The following CFTR variants were observed in gnomAD, a reference collection of about 807,000 sequenced individuals.
CFTR encodes the protein cystic fibrosis transmembrane conductance regulator.
In CFTR, 181 loss-of-function variants were observed where a neutral mutation model predicts 171.6. The observed-to-expected ratio is 1.05, with a 90% confidence interval of 0.93 to 1.19. The LOEUF is 1.19. Among genes scored for constraint, CFTR ranks in the 50% most tolerant of loss-of-function variants. The pLI, the probability that CFTR is intolerant of heterozygous loss-of-function variation, is 0.00. For synonymous variants in CFTR, 583 were observed against 608.0 expected, an observed-to-expected ratio of 0.96 and a Z score of 0.60; for missense variants, 1,968 against 1,734.7, an observed-to-expected ratio of 1.13 and a Z score of -2.39.
At chr7:117,491,029 G>A (rs1480456755) in intron 1 of CFTR, among the ~76,000 whole-genome samples, 1 of 152,058 alleles carries the variant, frequency 6.6e-6, no homozygotes, top group Non-Finnish European at 1.5e-5. Flanking sequence ...ATCGTTGTGA[G>A]AATACTATAG....
chr7:117,651,982 AT>A (rs772943211), intron 23 of CFTR, among the ~76,000 whole-genome samples: 27 of 152,324 alleles, frequency 1.8e-4, no homozygotes, highest in South Asian at 6.2e-4. Flanking sequence ...GGTAAAAAAA[AT>A]ATTCTAAATG....
intron 1 of CFTR, among the ~76,000 whole-genome samples, chr7:117,487,156 T>C (rs779445738): frequency 2.0e-4 from 31 of 152,070 alleles, no homozygotes; most frequent in Non-Finnish European, 4.3e-4. Flanking sequence ...TGTATATGGC[T>C]CAGGGTTAGG....
chr7:117,627,446 T>A, intron 21 of CFTR, 76 bp from the exon 22 acceptor site: 1 of 1,509,050 alleles, frequency 6.6e-7, no homozygotes, highest in Admixed American at 1.7e-5. Flanking sequence ...TACAAGTTAT[T>A]TTTTAGGAAG....
At chr7:117,659,315 T>C (rs572861703) in intron 24 of CFTR, among the ~76,000 whole-genome samples, 7 of 152,334 alleles carry the variant, frequency 4.6e-5, no homozygotes, top group African/African-American at 1.4e-4. Flanking sequence ...ATTTACCTTT[T>C]AACTTGTCCA....
chr7:117,582,551 A>G (rs929471352), intron 11 of CFTR, among the ~76,000 whole-genome samples: 1 of 152,086 alleles, frequency 6.6e-6, no homozygotes, highest in African/African-American at 2.4e-5. Context: ...AATCTGGGAC[A>G]AGGGGGAGGA....
intron 9 of CFTR, among the ~76,000 whole-genome samples, chr7:117,544,854 T>G (rs10487370): frequency 0.015 from 2,233 of 152,340 alleles, 56 homozygotes; most frequent in African/African-American, 0.051. Context: ...CTATTAAAAC[T>G]GTTATACTCT....
rs397508163 is a variant in CFTR, at chr7:117,542,025, C to CA, written c.1130dup (p.Gln378AlafsTer4). The CA allele has an allele frequency of 6.5e-7, 1 of 1,530,176 alleles. No individual in the cohort carries two copies. The highest frequency in any genetic ancestry group is 9.1e-7 in the Non-Finnish European group (1 of 1,104,126). 94.8% of individuals were successfully genotyped at this position (1,530,176 alleles called of 1,614,324 possible). A position where few individuals can be genotyped will look rare whatever the true frequency, so the allele number is the denominator to read the frequency against. ...TCTCTTTTATAAATAGGATTTCTTA[C>CA]AAAAGCAAGAATATAAGACATTGGA... On this transcript the variant is annotated frameshift_variant, in exon 9 of 27. Coordinates refer to ENST00000003084, the MANE Select transcript of CFTR (RefSeq NM_000492.4). LOFTEE classifies it high-confidence loss of function.
At chr7:117,590,247 GT>G in intron 12 of CFTR, 105 bp from the exon 13 acceptor site, 1 of 1,323,370 alleles carries the variant, frequency 7.6e-7, no homozygotes, top group Non-Finnish European at 1.1e-6. Flanking sequence ...AATCGATGTG[GT>G]GACCATATTG....
rs752436883 is a variant in CFTR at position 117,551,610 on chromosome 7, A to G, written c.1392+2787A>G. 3.9e-5 allele frequency among the ~76,000 whole-genome samples: 6 copies of G among 152,314 alleles called. No homozygotes were observed. The highest frequency in any genetic ancestry group is 8.8e-5 in the Non-Finnish European group (6 of 68,024). On this transcript the variant is annotated intron_variant, in intron 10 of 26. Transcript: ENST00000003084. ...AACAAGTGCCTAGCACTTGACAGGT[A>G]TATTATAGAAATTTAACTGAATATC...
chr7:117,573,054 C>T (rs1791718997), intron 11 of CFTR, among the ~76,000 whole-genome samples: 1 of 107,032 alleles, frequency 9.3e-6, no homozygotes, highest in Non-Finnish European at 2.4e-5. Flanking sequence ...CTCTCTCTCT[C>T]TCTTGCTCTC....
chr7:117,536,687 A>G lies in CFTR; in HGVS notation c.869+14A>G, dbSNP rs1554380834. On this transcript the variant is annotated intron_variant, in intron 7 of 26. Coordinates refer to ENST00000003084, the MANE Select transcript of CFTR (RefSeq NM_000492.4). ...AAACTTAAGACAGTAAGTTGTTCCAATAATTTCAATATTGTTAGTAATTCT... is the reference window on the plus strand; with the variant it reads ...AAACTTAAGACAGTAAGTTGTTCCAGTAATTTCAATATTGTTAGTAATTCT... The G allele has an allele frequency of 1.2e-6, 2 of 1,603,738 alleles. No individual in the cohort carries two copies. Among genetic ancestry groups the G allele is most frequent in the African/African-American group, 1.3e-5 (1 of 74,790 alleles).
At position 117,595,053 on chromosome 7, in the gene CFTR, G is replaced by A. The variant is rs2116039854; in HGVS notation, c.2614G>A (p.Ala872Thr). 6.2e-7 allele frequency: 1 copy of A among 1,611,726 alleles called. No homozygotes were observed. Among genetic ancestry groups the A allele is most frequent in the South Asian group, 1.1e-5 (1 of 90,996 alleles). ...VLIWCLVIFL[A>T]EVAASLVVLW... is the part of the protein sequence containing the mutation. ...AATTTGGTGCTTAGTAATTTTTCTG[G>A]CAGAGGTAAGAATGTTCTATTGTAA... Residue 872 changes from alanine (A) to threonine (T), a missense_variant, in exon 15 of 27, where the codon GCA becomes ACA. Transcript: ENST00000003084.
At chr7:117,652,809 C>G in intron 23 of CFTR, 33 bp from the exon 24 acceptor site, 3 of 1,029,542 alleles carry the variant, frequency 2.9e-6, no homozygotes, top group Non-Finnish European at 4.6e-6. Flanking sequence ...TTAAGTTATT[C>G]ATACTTTCTT....
At chr7:117,650,167 A>C (rs969449679) in intron 23 of CFTR, among the ~76,000 whole-genome samples, 1 of 152,146 alleles carries the variant, frequency 6.6e-6, no homozygotes, top group Non-Finnish European at 1.5e-5. Context: ...GAAATGTTCT[A>C]ATTTCTGTTG....
intron 1 of CFTR, among the ~76,000 whole-genome samples, chr7:117,490,180 C>CCT (rs1157481734): frequency 6.6e-6 from 1 of 151,868 alleles, no homozygotes; most frequent in Admixed American, 6.6e-5. Context: ...TCTCTCTGAA[C>CCT]CTCAGCTACT....
chr7:117,631,635 C>T (rs1262680855), intron 22 of CFTR, among the ~76,000 whole-genome samples: 2 of 152,200 alleles, frequency 1.3e-5, no homozygotes, highest in African/African-American at 4.8e-5. Context: ...CATTGAGGTG[C>T]TCAGAAGGTG....
intron 16 of CFTR, among the ~76,000 whole-genome samples, chr7:117,603,148 C>A (rs7812185): frequency 0.033 from 5,090 of 152,050 alleles, 226 homozygotes; most frequent in African/African-American, 0.099. Context: ...GCACTCCAGC[C>A]TGGACAATAT....
chr7:117,505,090 A>G (rs992442749), intron 2 of CFTR, among the ~76,000 whole-genome samples: 9 of 152,184 alleles, frequency 5.9e-5, no homozygotes, highest in Non-Finnish European at 1.3e-4. Context: ...TACCTGTTAC[A>G]TGCCAGGTAG....
chr7:117,606,815 A>C, intron 18 of CFTR, 62 bp downstream of exon 18: 1 of 960,302 alleles, frequency 1.0e-6, no homozygotes, highest in Non-Finnish European at 1.7e-6. Context: ...AACAAAAGCA[A>C]ATGTGATTTT....
Sources: gnomAD v4.1 joint callset for allele counts (sites outside exome capture counted in the v4.1 genomes callset) on GRCh38, gnomAD v4.1.1 for gene constraint, MANE v1.5 for transcripts, NCBI Gene and HGNC (gene_info 2026-07-23, HGNC 2026-07-21) for gene names.